Variants in KAZN observed in about 807,000 individuals in gnomAD.
KAZN encodes kazrin.
In KAZN, 40 loss-of-function variants were observed where a neutral mutation model predicts 87.4. The observed-to-expected ratio is 0.46, with a 90% CI of 0.36 to 0.60. The LOEUF is 0.60. Among genes scored for constraint, KAZN ranks in the 20% least tolerant of loss-of-function variants. The pLI is 0.00. For synonymous variants in KAZN, 466 were observed against 458.3 expected (o/e 1.02, Z -0.22); for missense variants, 898 against 1,073.9 (o/e 0.84, Z 2.29).
At chr1:14,314,816 TAGC>T (rs1345980121) in intron 2 of KAZN, among the ~76,000 whole-genome samples, 1 of 152,094 alleles carries the variant, frequency 6.6e-6, no homozygotes, top group Admixed American at 6.6e-5. Flanking sequence ...CAGAATCCAT[TAGC>T]AGCCACTCCC....
intron 1 of KAZN, among the ~76,000 whole-genome samples, chr1:14,142,823 A>G (rs760466500): frequency 6.6e-6 from 1 of 152,188 alleles, no homozygotes; most frequent in Non-Finnish European, 1.5e-5. Flanking sequence ...CAGGGAGCTG[A>G]ATCACAGGAG....
At chr1:14,149,179 G>T (rs1645420471) in intron 1 of KAZN, among the ~76,000 whole-genome samples, 1 of 134,974 alleles carries the variant, frequency 7.4e-6, no homozygotes, top group Admixed American at 8.6e-5. Flanking sequence ...TTGGCTCCTT[G>T]CAACCTCCGC....
At chr1:14,711,851 G>T (rs967996309) in intron 1 of KAZN, among the ~76,000 whole-genome samples, 6 of 152,208 alleles carry the variant, frequency 3.9e-5, no homozygotes, top group South Asian at 4.1e-4. Flanking sequence ...GGGCCCAAAA[G>T]TCTGCGACCA....
At chr1:14,283,955 T>G (rs938987821) in intron 2 of KAZN, among the ~76,000 whole-genome samples, 4 of 152,080 alleles carry the variant, frequency 2.6e-5, no homozygotes, top group Non-Finnish European at 5.9e-5. Flanking sequence ...CACCCTACAA[T>G]GTGGATGAGC....
At chr1:14,361,394 C>A (rs897337205) in intron 2 of KAZN, among the ~76,000 whole-genome samples, 1 of 152,220 alleles carries the variant, frequency 6.6e-6, no homozygotes, top group African/African-American at 2.4e-5. Flanking sequence ...ACCTGCTGAG[C>A]ACTTGGGTGG....
chr1:14,729,198 G>A (rs1174394876), intron 1 of KAZN, among the ~76,000 whole-genome samples: 1 of 152,160 alleles, frequency 6.6e-6, no homozygotes, highest in Non-Finnish European at 1.5e-5. Flanking sequence ...AAAACGAGGA[G>A]GGACAGCAAA....
intron 2 of KAZN, among the ~76,000 whole-genome samples, chr1:14,327,504 C>G (rs911029232): frequency 3.9e-5 from 6 of 152,212 alleles, no homozygotes; most frequent in Non-Finnish European, 7.3e-5. Flanking sequence ...TGGAGCTAAG[C>G]TCTGTCTCTG....
chr1:13,966,639 C>A (rs1246814884), intron 1 of KAZN, among the ~76,000 whole-genome samples: 1 of 152,162 alleles, frequency 6.6e-6, no homozygotes, highest in African/African-American at 2.4e-5. Flanking sequence ...CAGTAGCCCC[C>A]TGGCCACAGG....
chr1:14,328,037 G>A (rs1008260987), intron 2 of KAZN, among the ~76,000 whole-genome samples: 6 of 152,108 alleles, frequency 3.9e-5, no homozygotes, highest in Admixed American at 3.9e-4. Flanking sequence ...AAAAATGTCT[G>A]TGGCTCATGT....
At chr1:14,595,036 T>G (rs559010273), upstream of KAZN, among the ~76,000 whole-genome samples, 10 of 152,028 alleles carry the variant, frequency 6.6e-5, no homozygotes, top group East Asian at 1.9e-3. Flanking sequence ...CCCCAGCTAC[T>G]CGGGAGGCTG....
intron 1 of KAZN, among the ~76,000 whole-genome samples, chr1:13,991,902 C>A (rs1049237726): frequency 6.6e-6 from 1 of 152,146 alleles, no homozygotes; most frequent in Non-Finnish European, 1.5e-5. Context: ...TCATTCCCAA[C>A]CCTCCGTGCC....
chr1:14,538,511 G>C (rs1161308731), intron 2 of KAZN, among the ~76,000 whole-genome samples: 2 of 152,186 alleles, frequency 1.3e-5, no homozygotes, highest in African/African-American at 4.8e-5. Context: ...TCTCCGAGGG[G>C]AGAAATGCTG....
chr1:14,204,085 T>C (rs1476465846), intron 2 of KAZN, among the ~76,000 whole-genome samples: 1 of 152,250 alleles, frequency 6.6e-6, no homozygotes, highest in Non-Finnish European at 1.5e-5. Flanking sequence ...TTACTGCTTT[T>C]GGAGAAGGAA....
intron 2 of KAZN, among the ~76,000 whole-genome samples, chr1:14,193,275 A>G (rs1314319039): frequency 1.3e-5 from 2 of 152,160 alleles, no homozygotes; most frequent in Non-Finnish European, 2.9e-5. Flanking sequence ...TTACAGCAGT[A>G]TGAAAACAGA....
chr1:14,816,493 C>G (rs1393400444), intron 1 of KAZN, among the ~76,000 whole-genome samples: 1 of 152,128 alleles, frequency 6.6e-6, no homozygotes, highest in Admixed American at 6.6e-5. Context: ...TAGAAGCTTC[C>G]CATGGTTCTT....
chr1:14,002,309 G>A (rs1408457562), intron 1 of KAZN, among the ~76,000 whole-genome samples: 1 of 152,200 alleles, frequency 6.6e-6, no homozygotes, highest in Non-Finnish European at 1.5e-5. Context: ...CTCAACTTGA[G>A]TTGTATCTCA....
At chr1:14,335,272 G>A (rs1267919381) in intron 2 of KAZN, among the ~76,000 whole-genome samples, 9 of 150,004 alleles carry the variant, frequency 6.0e-5, no homozygotes, top group Non-Finnish European at 1.2e-4. Flanking sequence ...GTGCGATCTC[G>A]GCTCACTGCA....
chr1:14,253,132 A>C (rs1379019387), intron 2 of KAZN, among the ~76,000 whole-genome samples: 3 of 151,896 alleles, frequency 2.0e-5, no homozygotes, highest in South Asian at 2.1e-4. Context: ...AAAAAAAAAA[A>C]AAAACGGCCC....
chr1:14,758,756 T>G (rs1644649848), intron 1 of KAZN, among the ~76,000 whole-genome samples: 1 of 152,064 alleles, frequency 6.6e-6, no homozygotes, highest in Non-Finnish European at 1.5e-5. Context: ...ATTCTTGGGA[T>G]GGGTTGGGAA....
Sources: allele counts gnomAD v4.1 joint callset (sites outside exome capture counted in the v4.1 genomes callset), GRCh38; gene constraint gnomAD v4.1.1; transcripts MANE v1.5; gene names NCBI Gene and HGNC (gene_info 2026-07-23, HGNC 2026-07-21).